TBC1D19: variants seen among roughly 807,000 people sequenced by gnomAD.
TBC1D19 encodes the protein TBC1 domain family, member 19.
In TBC1D19, 60 loss-of-function variants were observed where a neutral mutation model predicts 89.0. That is an observed-to-expected ratio of 0.67 (90% CI 0.55 to 0.84). The LOEUF is 0.84. Ranked by LOEUF, TBC1D19 falls within the 40% of genes least tolerant of loss-of-function variation. The pLI, the probability that TBC1D19 is intolerant of heterozygous loss-of-function variation, is 0.00. For synonymous variants in TBC1D19, 189 were observed against 199.7 expected, an observed-to-expected ratio of 0.95 and a Z score of 0.45; for missense variants, 500 against 610.8, an observed-to-expected ratio of 0.82 and a Z score of 1.91.
At chr4:26,765,602 G>A in the TBC1D19 span, among the ~76,000 whole-genome samples, 26 of 152,102 alleles carry the variant, frequency 1.7e-4, no homozygotes, top group Non-Finnish European at 3.2e-4. Flanking sequence ...TAGGTGAACC[G>A]TCTCCTCAGA....
intron 13 of TBC1D19, among the ~76,000 whole-genome samples, chr4:26,688,938 C>A (rs1035783898): frequency 3.3e-5 from 5 of 151,662 alleles, no homozygotes; most frequent in Admixed American, 6.6e-5. Context: ...ACATGATGTT[C>A]TTTTTTAAAA....
intron 7 of TBC1D19, among the ~76,000 whole-genome samples, chr4:26,646,256 C>T (rs1307286965): frequency 1.3e-5 from 2 of 151,942 alleles, no homozygotes; most frequent in Non-Finnish European, 2.9e-5. Context: ...AAATCAAAAC[C>T]ACAATGAGAT....
chr4:26,788,651 T>C, the TBC1D19 span, among the ~76,000 whole-genome samples: 6 of 152,196 alleles, frequency 3.9e-5, no homozygotes, highest in Non-Finnish European at 5.9e-5. Flanking sequence ...CAATCTGCTG[T>C]GACATTCTGA....
At chr4:26,785,323 G>A in the TBC1D19 span, among the ~76,000 whole-genome samples, 1 of 152,144 alleles carries the variant, frequency 6.6e-6, no homozygotes, top group African/African-American at 2.4e-5. Context: ...TTAAATAAAA[G>A]TAAGATAGAC....
intron 7 of TBC1D19, among the ~76,000 whole-genome samples, chr4:26,644,518 A>G (rs1743779377): frequency 6.6e-6 from 1 of 152,198 alleles, no homozygotes; most frequent in Non-Finnish European, 1.5e-5. Flanking sequence ...GGCACAAGAG[A>G]GGGATACCTT....
the TBC1D19 span, among the ~76,000 whole-genome samples, chr4:26,765,865 T>C: frequency 5.3e-5 from 8 of 152,174 alleles, no homozygotes; most frequent in African/African-American, 1.7e-4. Context: ...ACTTCGGGCA[T>C]GGGGAGGGAT....
chr4:26,767,326 A>G, the TBC1D19 span, among the ~76,000 whole-genome samples: 3 of 152,348 alleles, frequency 2.0e-5, no homozygotes, highest in African/African-American at 7.2e-5. Context: ...TCAGCATTGC[A>G]TATACACAAA....
the TBC1D19 span, among the ~76,000 whole-genome samples, chr4:26,766,758 T>G: frequency 4.5e-4 from 68 of 152,342 alleles, no homozygotes; most frequent in Non-Finnish European, 8.4e-4. Context: ...TTGGTAATAT[T>G]ACTTAACCTT....
the TBC1D19 span, among the ~76,000 whole-genome samples, chr4:26,807,082 C>G: frequency 2.3e-4 from 35 of 152,294 alleles, 1 homozygote; most frequent in African/African-American, 7.7e-4. Context: ...CCACGGCACT[C>G]TCTGACTCCC....
chr4:26,741,985 G>T (rs151223942), intron 17 of TBC1D19, among the ~76,000 whole-genome samples: 229 of 152,318 alleles, frequency 1.5e-3, no homozygotes, highest in Middle Eastern at 6.8e-3. Context: ...AAAGCAGCTA[G>T]CTGCTAGTCT....
chr4:26,658,027 C>T (rs1049065100), intron 7 of TBC1D19, among the ~76,000 whole-genome samples: 6 of 152,042 alleles, frequency 3.9e-5, no homozygotes. Context: ...TTCTCCCATT[C>T]TGTAGGTTGC....
chr4:26,756,500 C>T (rs1041424365), downstream of TBC1D19, among the ~76,000 whole-genome samples: 2 of 152,082 alleles, frequency 1.3e-5, no homozygotes, highest in African/African-American at 4.8e-5. Flanking sequence ...AATTTTGGTC[C>T]TCCTGTAAAT....
chr4:26,599,816 C>T (rs930724820), intron 1 of TBC1D19, among the ~76,000 whole-genome samples: 36 of 151,816 alleles, frequency 2.4e-4, no homozygotes, highest in Middle Eastern at 6.8e-3. Flanking sequence ...GGTATGGTGG[C>T]GTGCATCTGT....
At chr4:26,611,703 T>G (rs1231418328) in intron 1 of TBC1D19, among the ~76,000 whole-genome samples, 2 of 152,168 alleles carry the variant, frequency 1.3e-5, no homozygotes, top group Non-Finnish European at 2.9e-5. Flanking sequence ...AGAATTATTT[T>G]GCAAAGAATC....
chr4:26,673,661 T>C, intron 10 of TBC1D19, 115 bp from the exon 11 acceptor site: 1 of 726,858 alleles, frequency 1.4e-6, no homozygotes, highest in Non-Finnish European at 2.4e-6. Flanking sequence ...TACGGTGTAA[T>C]TATGTTAGAT....
At chr4:26,637,415 C>G (rs1156559827) in intron 5 of TBC1D19, 130 bp downstream of exon 5, 2 of 703,082 alleles carry the variant, frequency 2.8e-6, no homozygotes, top group Middle Eastern at 4.5e-4. Flanking sequence ...CTCTGTCACC[C>G]AGGCTGGAGT....
chr4:26,584,673 C>A (rs1026797391), intron 1 of TBC1D19, among the ~76,000 whole-genome samples: 1 of 152,082 alleles, frequency 6.6e-6, no homozygotes, highest in Admixed American at 6.6e-5. Context: ...CCATGCCTTC[C>A]CTCACTTTTT....
At chr4:26,841,403 A>C in the TBC1D19 span, among the ~76,000 whole-genome samples, 1 of 133,684 alleles carries the variant, frequency 7.5e-6, no homozygotes, top group Non-Finnish European at 1.6e-5. Context: ...AAAAAAAAAA[A>C]GTGTATGACT....
chr4:26,825,654 T>C, the TBC1D19 span, among the ~76,000 whole-genome samples: 1 of 152,154 alleles, frequency 6.6e-6, no homozygotes. Flanking sequence ...TATTGTGTGG[T>C]TATACTAGTT....
Sources: allele counts gnomAD v4.1 joint callset (sites outside exome capture counted in the v4.1 genomes callset), GRCh38; gene constraint gnomAD v4.1.1; transcripts MANE v1.5; gene names NCBI Gene and HGNC (gene_info 2026-07-23, HGNC 2026-07-21).